Variants in PCDHA12 observed in about 807,000 individuals in gnomAD.
The protein encoded by PCDHA12 is protocadherin alpha 12.
In PCDHA12, 44 loss-of-function variants were observed where a neutral mutation model predicts 60.0. The ratio of observed to expected loss-of-function variants is 0.73; its 90% CI spans 0.58 to 0.94. The LOEUF (loss-of-function observed/expected upper bound fraction) is 0.94. Among genes scored for constraint, PCDHA12 ranks in the 40% least tolerant of loss-of-function variants. The pLI, the probability that PCDHA12 is intolerant of heterozygous loss-of-function variation, is 0.00. For synonymous variants in PCDHA12, 569 were observed against 553.0 expected (o/e 1.03, Z -0.40); for missense variants, 1,276 against 1,239.7 (o/e 1.03, Z -0.44).
At chr5:140,911,066 A>C (rs1166409987) in intron 1 of PCDHA12, among the ~76,000 whole-genome samples, 1 of 152,042 alleles carries the variant, frequency 6.6e-6, no homozygotes, top group Non-Finnish European at 1.5e-5. Flanking sequence ...GTGGGTCCTG[A>C]GGAGAATCAA....
intron 1 of PCDHA12, among the ~76,000 whole-genome samples, chr5:140,920,583 C>T (rs1287573835): frequency 1.3e-5 from 2 of 152,106 alleles, no homozygotes; most frequent in African/African-American, 4.8e-5. Flanking sequence ...CAGTGGCTCA[C>T]GCCTGTAATC....
chr5:140,905,652 T>A (rs1554192111), intron 1 of PCDHA12, among the ~76,000 whole-genome samples: 1 of 152,240 alleles, frequency 6.6e-6, no homozygotes, highest in East Asian at 1.9e-4. Flanking sequence ...CAGTATTGAT[T>A]CCTGTCATCC....
At chr5:140,895,250 T>G (rs2153449407) in intron 1 of PCDHA12, among the ~76,000 whole-genome samples, 1 of 152,318 alleles carries the variant, frequency 6.6e-6, no homozygotes, top group African/African-American at 2.4e-5. Flanking sequence ...TTTTCAAAGC[T>G]TTCTTTTTTT....
chr5:140,893,689 A>G (rs999117899), intron 1 of PCDHA12, among the ~76,000 whole-genome samples: 2 of 152,192 alleles, frequency 1.3e-5, no homozygotes, highest in Non-Finnish European at 2.9e-5. Context: ...ATATCATCTC[A>G]TTCTATCCTA....
intron 1 of PCDHA12, among the ~76,000 whole-genome samples, chr5:140,925,122 GA>G (rs1298426256): frequency 2.7e-5 from 4 of 150,724 alleles, no homozygotes; most frequent in Non-Finnish European, 4.4e-5. Flanking sequence ...AGGAAGGAAG[GA>G]AAAAAAATTT....
intron 1 of PCDHA12, among the ~76,000 whole-genome samples, chr5:140,932,330 G>A (rs1339060592): frequency 6.6e-6 from 1 of 151,860 alleles, no homozygotes; most frequent in African/African-American, 2.4e-5. Context: ...TAGCAAAAAT[G>A]CATGAAACAC....
intron 1 of PCDHA12, among the ~76,000 whole-genome samples, chr5:140,921,330 C>T (rs1285696901): frequency 6.6e-6 from 1 of 152,026 alleles, no homozygotes; most frequent in Non-Finnish European, 1.5e-5. Flanking sequence ...TCTGTCTGGT[C>T]CAATCACATA....
chr5:140,941,942 T>C (rs2093203170), intron 1 of PCDHA12, among the ~76,000 whole-genome samples: 1 of 152,234 alleles, frequency 6.6e-6, no homozygotes, highest in African/African-American at 2.4e-5. Flanking sequence ...GAATTACTTT[T>C]GTTTTGAAAA....
chr5:140,883,109 T>C (rs782237873), intron 1 of PCDHA12: 95 of 1,613,962 alleles, frequency 5.9e-5, no homozygotes, highest in Non-Finnish European at 8.0e-5. Context: ...AGTTTACTCA[T>C]TTAGAAGGCC....
rs185756096 is a variant in PCDHA12, at chr5:140,914,471, T to C, written c.2367+36632T>C. On this transcript the variant is annotated intron_variant, in intron 1 of 3. Coordinates refer to ENST00000398631, the MANE Select transcript of PCDHA12 (RefSeq NM_018903.4). The stretch of plus-strand genomic sequence containing the variant: ...ATTTTCCAGTCTATGTGTATCTTCA[T>C]AGGTGAAGTGTTTCTTGTGGGCAAC... Among the ~76,000 whole-genome samples the C allele has an allele frequency of 2.9e-3, 442 of 152,310 alleles. 1 individual carries two copies. Among genetic ancestry groups the C allele is most frequent in the African/African-American group, 0.01 (423 of 41,574 alleles).
chr5:140,966,864 T>A, intron 1 of PCDHA12: 1 of 1,564,920 alleles, frequency 6.4e-7, no homozygotes. Flanking sequence ...CTGCTGTTGC[T>A]GCTGCTGCTA....
chr5:140,901,069 T>C (rs1175492593), intron 1 of PCDHA12, among the ~76,000 whole-genome samples: 2 of 152,186 alleles, frequency 1.3e-5, no homozygotes, highest in Admixed American at 6.5e-5. Context: ...GATTTTTTTT[T>C]CTATAGAGTT....
chr5:140,922,953 G>A (rs2081086867), intron 1 of PCDHA12, among the ~76,000 whole-genome samples: 1 of 152,168 alleles, frequency 6.6e-6, no homozygotes, highest in Non-Finnish European at 1.5e-5. Context: ...AATCCAGTTT[G>A]TCTTCAGCCA....
At chr5:141,009,285 T>C (rs1554262099) in intron 3 of PCDHA12, among the ~76,000 whole-genome samples, 1 of 152,106 alleles carries the variant, frequency 6.6e-6, no homozygotes, top group African/African-American at 2.4e-5. Context: ...TGAGATCCCA[T>C]TTCTATAAAA....
chr5:140,980,275 C>G (rs1288435032), intron 2 of PCDHA12, among the ~76,000 whole-genome samples: 1 of 152,196 alleles, frequency 6.6e-6, no homozygotes. Flanking sequence ...AGTACCAACT[C>G]TTGAAAAGTA....
intron 1 of PCDHA12, among the ~76,000 whole-genome samples, chr5:140,899,424 T>A (rs1437811361): frequency 6.6e-6 from 1 of 152,206 alleles, no homozygotes; most frequent in African/African-American, 2.4e-5. Flanking sequence ...TTGTCAAAGG[T>A]CTTTTCTGCA....
intron 1 of PCDHA12, among the ~76,000 whole-genome samples, chr5:140,897,060 A>G (rs2153455161): frequency 6.6e-6 from 1 of 152,068 alleles, no homozygotes; most frequent in East Asian, 1.9e-4. Flanking sequence ...GTCAAATACT[A>G]TGTCTTATTC....
intron 1 of PCDHA12, chr5:140,928,126 C>T (rs782461261): frequency 1.2e-6 from 2 of 1,614,176 alleles, no homozygotes; most frequent in Non-Finnish European, 1.7e-6. Context: ...CAGTGAATAC[C>T]AAGTCCTGAT....
At chr5:140,955,469 T>C (rs1324804121) in intron 1 of PCDHA12, among the ~76,000 whole-genome samples, 11 of 152,208 alleles carry the variant, frequency 7.2e-5, no homozygotes, top group Middle Eastern at 3.4e-3. Flanking sequence ...CCTTTTTGCT[T>C]GGCACCTCTC....
Sources: allele counts gnomAD v4.1 joint callset (sites outside exome capture counted in the v4.1 genomes callset), GRCh38; gene constraint gnomAD v4.1.1; transcripts MANE v1.5; gene names NCBI Gene and HGNC (gene_info 2026-07-23, HGNC 2026-07-21).